ROBO2: variants seen among roughly 807,000 people sequenced by gnomAD.
ROBO2 encodes the protein roundabout homolog 2.
In ROBO2, 53 loss-of-function variants were observed where a neutral mutation model predicts 160.8. The observed-to-expected ratio is 0.33, with a 90% CI of 0.26 to 0.41. The LOEUF (loss-of-function observed/expected upper bound fraction) is 0.41. Ranked by LOEUF, ROBO2 falls within the 10% of genes least tolerant of loss-of-function variation. The probability of loss-of-function intolerance (pLI) is 1.00; values close to 1 mark genes in which losing one functional copy is unlikely to be tolerated. For synonymous variants in ROBO2, 664 were observed against 611.7 expected, an observed-to-expected ratio of 1.09 and a Z score of -1.26; for missense variants, 1,577 against 1,722.4, an observed-to-expected ratio of 0.92 and a Z score of 1.49.
intron 1 of ROBO2, among the ~76,000 whole-genome samples, chr3:77,062,081 G>A (rs2066380044): frequency 6.6e-6 from 1 of 152,110 alleles, no homozygotes; most frequent in Non-Finnish European, 1.5e-5. Flanking sequence ...GCATCCTATG[G>A]TTTTGAGGTG....
At chr3:76,754,281 A>G (rs9853599) in intron 2 of ROBO2, among the ~76,000 whole-genome samples, 2,752 of 152,018 alleles carry the variant, frequency 0.018, 69 homozygotes, top group African/African-American at 0.058. Context: ...GGTTCTGTCA[A>G]ATAGCTTTTG....
chr3:76,856,094 C>T (rs777383872), intron 2 of ROBO2, among the ~76,000 whole-genome samples: 1 of 152,030 alleles, frequency 6.6e-6, no homozygotes, highest in Non-Finnish European at 1.5e-5. Context: ...ATAACATAAG[C>T]TTGATGGGAT....
intron 6 of ROBO2, among the ~76,000 whole-genome samples, chr3:77,541,147 G>A (rs2092443589): frequency 6.6e-6 from 1 of 152,200 alleles, no homozygotes. Flanking sequence ...GAGTGGCTGA[G>A]CATGACTGTA....
chr3:76,200,623 T>G (rs901661867), intron 2 of ROBO2, among the ~76,000 whole-genome samples: 2 of 151,604 alleles, frequency 1.3e-5, no homozygotes, highest in African/African-American at 2.4e-5. Context: ...AGAATTAAAT[T>G]AATTTCTCTG....
At chr3:76,488,435 G>T (rs1035053384) in intron 2 of ROBO2, among the ~76,000 whole-genome samples, 2 of 151,978 alleles carry the variant, frequency 1.3e-5, no homozygotes, top group African/African-American at 4.8e-5. Flanking sequence ...CTGCCATGTG[G>T]TCCTCTCTCT....
chr3:77,134,132 C>T (rs2076082460), intron 2 of ROBO2, among the ~76,000 whole-genome samples: 1 of 151,840 alleles, frequency 6.6e-6, no homozygotes, highest in East Asian at 1.9e-4. Context: ...GCCGAGATCA[C>T]ACCATTGCAC....
intron 2 of ROBO2, among the ~76,000 whole-genome samples, chr3:76,532,483 A>G (rs780466567): frequency 2.0e-5 from 3 of 152,198 alleles, no homozygotes; most frequent in Non-Finnish European, 4.4e-5. Flanking sequence ...TCAAAATAAT[A>G]AGAATTTAAG....
chr3:77,429,822 G>A (rs1410046472), intron 2 of ROBO2, among the ~76,000 whole-genome samples: 1 of 151,964 alleles, frequency 6.6e-6, no homozygotes, highest in Non-Finnish European at 1.5e-5. Flanking sequence ...GTTGATACTT[G>A]TGGTTTGAAA....
chr3:76,756,465 T>TG (rs1287121045), intron 2 of ROBO2, among the ~76,000 whole-genome samples: 3 of 151,824 alleles, frequency 2.0e-5, no homozygotes, highest in Admixed American at 1.3e-4. Context: ...GGATTTGGGG[T>TG]GAAAAAGTAG....
At chr3:76,256,634 C>T (rs186749761) in intron 2 of ROBO2, among the ~76,000 whole-genome samples, 1 of 151,968 alleles carries the variant, frequency 6.6e-6, no homozygotes, top group Non-Finnish European at 1.5e-5. Flanking sequence ...CCACTAGATC[C>T]CAGGATGCTG....
intron 2 of ROBO2, among the ~76,000 whole-genome samples, chr3:76,221,736 A>T (rs995696544): frequency 1.3e-5 from 2 of 152,302 alleles, no homozygotes; most frequent in South Asian, 4.1e-4. Context: ...GGACTTCATG[A>T]CCATGAGCCC....
At chr3:77,098,073 A>G (rs2071344467) in exon 2 of ROBO2, 1 of 1,600,058 alleles carries the variant, frequency 6.2e-7, no homozygotes, top group Non-Finnish European at 8.6e-7. Flanking sequence ...TTCCGATGTC[A>G]TCGTCTCTAA....
rs774410490 is a variant in ROBO2 at position 76,442,527 on chromosome 3, C to T, written c.109+504925C>T. ...GCAAATGCTATAGAAGTACAAGCAG[C>T]TGATGTTACAGTGGTTCCCCTTTAT... On this transcript the variant is annotated intron_variant, in intron 2 of 26. Coordinates refer to the ROBO2 transcript ENST00000487694. 2.6e-5 allele frequency among the ~76,000 whole-genome samples: 4 copies of T among 152,158 alleles called. No individual in the cohort carries two copies. The East Asian group carries it at 7.7e-4, about 29-fold the overall frequency.
intron 1 of ROBO2, among the ~76,000 whole-genome samples, chr3:77,042,175 G>C (rs2064167900): frequency 6.6e-6 from 1 of 152,214 alleles, no homozygotes; most frequent in Non-Finnish European, 1.5e-5. Context: ...GGATGCGTGT[G>C]TGTGCACTGC....
chr3:77,128,192 C>T (rs1237036246), intron 2 of ROBO2, among the ~76,000 whole-genome samples: 6 of 152,088 alleles, frequency 3.9e-5, no homozygotes, highest in Admixed American at 6.5e-5. Context: ...GCTATGTCAG[C>T]GAATAAGCTA....
intron 2 of ROBO2, among the ~76,000 whole-genome samples, chr3:76,986,454 T>A (rs143012478): frequency 6.6e-6 from 1 of 152,074 alleles, no homozygotes; most frequent in Non-Finnish European, 1.5e-5. Context: ...GGTAACCGTG[T>A]CTTAATTTCC....
chr3:77,415,609 G>A (rs142997037), intron 2 of ROBO2, among the ~76,000 whole-genome samples: 2 of 152,276 alleles, frequency 1.3e-5, no homozygotes, highest in Non-Finnish European at 2.9e-5. Flanking sequence ...ACTTGGCCCA[G>A]TGGGCTGCAC....
At chr3:77,363,350 T>C (rs1215422366) in intron 2 of ROBO2, among the ~76,000 whole-genome samples, 6 of 152,212 alleles carry the variant, frequency 3.9e-5, no homozygotes, top group Non-Finnish European at 7.3e-5. Flanking sequence ...CTGTATATTC[T>C]TGTAGCAAAA....
At chr3:77,403,362 C>T (rs1342625962) in intron 2 of ROBO2, among the ~76,000 whole-genome samples, 1 of 152,126 alleles carries the variant, frequency 6.6e-6, no homozygotes, top group East Asian at 1.9e-4. Context: ...AACATTTCCC[C>T]AATTTCTCTC....
Sources: allele counts gnomAD v4.1 joint callset (sites outside exome capture counted in the v4.1 genomes callset), GRCh38; gene constraint gnomAD v4.1.1; transcripts MANE v1.5; gene names NCBI Gene and HGNC (gene_info 2026-07-23, HGNC 2026-07-21).